NPAS3: variants seen among roughly 807,000 people sequenced by gnomAD.
The protein encoded by NPAS3 is neuronal PAS domain-containing protein 3.
Under a neutral mutation model 73.1 loss-of-function variants are expected in NPAS3, and 14 were observed. The observed-to-expected ratio is 0.19, with a 90% confidence interval of 0.13 to 0.30. The LOEUF is 0.30. Among genes scored for constraint, NPAS3 ranks in the 10% least tolerant of loss-of-function variants. The pLI is 1.00. For synonymous variants in NPAS3, 620 were observed against 541.5 expected (o/e 1.14, Z -2.01); for missense variants, 1,096 against 1,250.0 (o/e 0.88, Z 1.86).
At chr14:33,537,886 C>A (rs2054325697) in intron 4 of NPAS3, among the ~76,000 whole-genome samples, 2 of 152,168 alleles carry the variant, frequency 1.3e-5, no homozygotes, top group South Asian at 4.1e-4. Context: ...GCACAGAGCA[C>A]TGCTCGCCTT....
chr14:33,114,515 A>AT (rs1404530579), intron 2 of NPAS3, among the ~76,000 whole-genome samples: 1 of 152,178 alleles, frequency 6.6e-6, no homozygotes, highest in African/African-American at 2.4e-5. Flanking sequence ...AGACTTGGGT[A>AT]TTTGACAAAC....
At chr14:33,395,206 CATT>C (rs1206859616) in intron 4 of NPAS3, among the ~76,000 whole-genome samples, 1 of 152,048 alleles carries the variant, frequency 6.6e-6, no homozygotes, top group African/African-American at 2.4e-5. Context: ...GAGTTATTAT[CATT>C]GTTTTGCATT....
At chr14:33,335,438 T>C (rs559968476) in intron 3 of NPAS3, among the ~76,000 whole-genome samples, 1 of 152,296 alleles carries the variant, frequency 6.6e-6, no homozygotes, top group African/African-American at 2.4e-5. Flanking sequence ...CTGAGTCAGA[T>C]GTCAGGCATT....
intron 3 of NPAS3, among the ~76,000 whole-genome samples, chr14:33,262,610 T>G (rs932475491): frequency 1.3e-5 from 2 of 152,208 alleles, no homozygotes; most frequent in Non-Finnish European, 2.9e-5. Context: ...GGCATTTTAT[T>G]ACAATTTTTT....
At chr14:33,693,242 G>A (rs1385380739) in intron 6 of NPAS3, among the ~76,000 whole-genome samples, 1 of 152,044 alleles carries the variant, frequency 6.6e-6, no homozygotes, top group Non-Finnish European at 1.5e-5. Flanking sequence ...TCCTTTGGGG[G>A]ACCCTAAAAA....
rs10141238 is a variant in NPAS3 at position 33,678,720 on chromosome 14, T to A, written c.733+2335T>A. 5.0e-3 allele frequency among the ~76,000 whole-genome samples: 733 copies of A among 146,496 alleles called. 3 individuals are homozygous for A. Among genetic ancestry groups the A allele is most frequent in the African/African-American group, 0.018 (693 of 39,282 alleles). ...GTCAATTCATACTGAGTTTGATGTCTCCCCAAATACATGTTGACAGTGAGA... is the reference window on the plus strand; with the variant it reads ...GTCAATTCATACTGAGTTTGATGTCACCCCAAATACATGTTGACAGTGAGA... On this transcript the variant is annotated intron_variant, in intron 6 of 11. Transcript: ENST00000356141.
chr14:33,678,098 G>A (rs1400928741), intron 6 of NPAS3, among the ~76,000 whole-genome samples: 1 of 152,154 alleles, frequency 6.6e-6, no homozygotes, highest in Non-Finnish European at 1.5e-5. Flanking sequence ...AAATGCTCAA[G>A]TTTGAAAGGA....
chr14:33,155,369 T>TG (rs2044609465), intron 2 of NPAS3, among the ~76,000 whole-genome samples: 1 of 152,236 alleles, frequency 6.6e-6, no homozygotes, highest in South Asian at 2.1e-4. Flanking sequence ...AGTTTTCTCC[T>TG]GGGTATTTTC....
chr14:33,697,975 C>A (rs889191755), intron 6 of NPAS3, among the ~76,000 whole-genome samples: 6 of 152,172 alleles, frequency 3.9e-5, no homozygotes, highest in African/African-American at 1.4e-4. Context: ...TCTTTATATT[C>A]TTACTATTTG....
intron 5 of NPAS3, among the ~76,000 whole-genome samples, chr14:33,622,683 C>T (rs1334259295): frequency 6.6e-6 from 1 of 152,104 alleles, no homozygotes; most frequent in Non-Finnish European, 1.5e-5. Flanking sequence ...TATTGAGACG[C>T]AAATATGGTG....
intron 2 of NPAS3, among the ~76,000 whole-genome samples, chr14:33,134,939 C>T (rs1307852315): frequency 1.3e-5 from 2 of 152,076 alleles, no homozygotes; most frequent in South Asian, 2.1e-4. Flanking sequence ...TAGGGCACCC[C>T]AACTTTTAGT....
chr14:33,027,641 C>A (rs1347256719), intron 1 of NPAS3, among the ~76,000 whole-genome samples: 1 of 152,100 alleles, frequency 6.6e-6, no homozygotes, highest in Non-Finnish European at 1.5e-5. Flanking sequence ...ATTGCCCCCA[C>A]CCTTCAAACC....
chr14:33,194,419 G>C (rs1163161685), intron 2 of NPAS3, among the ~76,000 whole-genome samples: 2 of 152,078 alleles, frequency 1.3e-5, no homozygotes, highest in Non-Finnish European at 2.9e-5. Context: ...AACAAATCAA[G>C]ACCATAAGCT....
chr14:33,376,990 A>T lies in NPAS3; in HGVS notation c.468+9722A>T, dbSNP rs1234721099. Among the ~76,000 whole-genome samples the T allele has an allele frequency of 3.9e-5, 6 of 152,230 alleles. No homozygotes were observed. In the East Asian group the frequency reaches 9.6e-4, roughly 24 times the overall value. On this transcript the variant is annotated intron_variant, in intron 4 of 11. Coordinates refer to ENST00000356141, the Ensembl canonical transcript of NPAS3. ...GTTTTTAAGAAAAATCCTGATGCTT[A>T]TCAGAAACTTTATTACTTCAGGAAT...
chr14:33,142,052 A>G (rs2044067477), intron 2 of NPAS3, among the ~76,000 whole-genome samples: 2 of 152,032 alleles, frequency 1.3e-5, no homozygotes, highest in African/African-American at 2.4e-5. Context: ...AATGGGCTCT[A>G]CCTATTTTTC....
chr14:33,062,423 A>C (rs2041140550), intron 2 of NPAS3, among the ~76,000 whole-genome samples: 1 of 152,180 alleles, frequency 6.6e-6, no homozygotes, highest in Non-Finnish European at 1.5e-5. Flanking sequence ...CTGCAAACTC[A>C]TTGCTTTTCC....
At chr14:33,732,290 C>T (rs973477940) in intron 6 of NPAS3, among the ~76,000 whole-genome samples, 2 of 152,110 alleles carry the variant, frequency 1.3e-5, no homozygotes, top group African/African-American at 4.8e-5. Flanking sequence ...CCACCAAGGC[C>T]GTGCTGCCTT....
chr14:33,320,961 C>T (rs571975731), intron 3 of NPAS3, among the ~76,000 whole-genome samples: 15 of 152,176 alleles, frequency 9.9e-5, no homozygotes, highest in African/African-American at 3.6e-4. Flanking sequence ...GCTGGTGCCT[C>T]CACGCTGCAT....
chr14:33,797,019 C>A (rs181360978), intron 10 of NPAS3, among the ~76,000 whole-genome samples: 15 of 152,084 alleles, frequency 9.9e-5, no homozygotes, highest in Non-Finnish European at 2.2e-4. Context: ...GCCATCTGAG[C>A]GGCTGAGAAG....
Sources: allele counts gnomAD v4.1 joint callset (sites outside exome capture counted in the v4.1 genomes callset), GRCh38; gene constraint gnomAD v4.1.1; transcripts MANE v1.5; gene names NCBI Gene and HGNC (gene_info 2026-07-23, HGNC 2026-07-21).